The following CPXM2 variants were observed in gnomAD, a reference collection of about 807,000 sequenced individuals.
CPXM2 encodes carboxypeptidase X, M14 family member 2.
A neutral mutation model predicts 86.1 loss-of-function variants in CPXM2; 66 were observed. The ratio of observed to expected loss-of-function variants is 0.77; its 90% CI spans 0.63 to 0.94. The LOEUF (loss-of-function observed/expected upper bound fraction) is 0.94, where lower values mean the gene tolerates loss of function less well. Among genes scored for constraint, CPXM2 ranks in the 40% least tolerant of loss-of-function variants. The pLI, the probability that CPXM2 is intolerant of heterozygous loss-of-function variation, is 0.00. For missense variants in CPXM2, 948 were observed against 1,026.3 expected (o/e 0.92, Z 1.04); for synonymous variants, 388 against 400.2 (o/e 0.97, Z 0.36).
chr10:123,751,702 A>T, intron 13 of CPXM2: 1 of 985,472 alleles, frequency 1.0e-6, no homozygotes, highest in Non-Finnish European at 1.2e-6. Context: ...TGCAAAATCC[A>T]TCCCGAAATA....
intron 4 of CPXM2, among the ~76,000 whole-genome samples, chr10:123,818,296 T>TG (rs1484848988): frequency 6.6e-6 from 1 of 152,146 alleles, no homozygotes; most frequent in African/African-American, 2.4e-5. Context: ...AGGTTACGCA[T>TG]GGGCTCAGCA....
At chr10:123,886,925 G>A (rs1010886216) in intron 1 of CPXM2, 2 of 152,176 alleles carry the variant, frequency 1.3e-5, no homozygotes, top group Admixed American at 1.3e-4. Flanking sequence ...TGGAAAGTAA[G>A]ACACCCCCAA....
At chr10:123,828,806 G>C (rs1848099654) in intron 4 of CPXM2, among the ~76,000 whole-genome samples, 1 of 152,190 alleles carries the variant, frequency 6.6e-6, no homozygotes, top group African/African-American at 2.4e-5. Flanking sequence ...TCTAGGGCTT[G>C]ATAAAAGAAA....
intron 2 of CPXM2, among the ~76,000 whole-genome samples, chr10:123,899,632 C>T (rs372225600): frequency 1.4e-4 from 22 of 152,132 alleles, no homozygotes; most frequent in Admixed American, 5.9e-4. Flanking sequence ...GCCTGGACAA[C>T]GCAGTGAGAC....
chr10:123,795,027 T>G (rs936914463), intron 6 of CPXM2, among the ~76,000 whole-genome samples: 5 of 152,132 alleles, frequency 3.3e-5, no homozygotes, highest in African/African-American at 1.2e-4. Flanking sequence ...GCTTCAGCCT[T>G]GCAAAGTGCT....
Position 123,757,345 on chromosome 10 carries a change from G to A in CPXM2, c.1785C>T (p.Asn595=), listed in dbSNP as rs200604785. The change falls in exon 12 of 14, where the codon AAC becomes AAT. Residue 595 remains asparagine, a synonymous_variant. Coordinates refer to ENST00000241305, the MANE Select transcript of CPXM2 (RefSeq NM_198148.3). ...ASWHTVAGSL[N]DFSYLHTNCF... The stretch of plus-strand genomic sequence containing the variant: ...AGTTTGTATGAAGGTAGCTGAAATC[G>A]TTCAGACCTGCCAAGCCAACCGGAC... 53 of 1,613,112 alleles carry A rather than the reference G, an allele frequency of 3.3e-5. No homozygotes were observed. The South Asian group carries it at 3.3e-4, about 10-fold the overall frequency.
chr10:123,822,786 G>A (rs531674764), intron 4 of CPXM2, among the ~76,000 whole-genome samples: 1 of 151,954 alleles, frequency 6.6e-6, no homozygotes, highest in African/African-American at 2.4e-5. Context: ...TTATCGAGAA[G>A]GAATAACTCA....
intron 6 of CPXM2, among the ~76,000 whole-genome samples, chr10:123,788,958 A>G (rs1847138528): frequency 6.6e-6 from 1 of 151,654 alleles, no homozygotes; most frequent in African/African-American, 2.4e-5. Flanking sequence ...CTTGGTCACA[A>G]GAGATTTTTC....
In CPXM2 at chr10:123,914,764, C is replaced by G. The variant is rs141581263; in HGVS notation, n.174+24713G>C. ...TCCCCAAGATTTCACTGCCCTCATT[C>G]AGGCCAGCACTATCTTCAACACGGA... On this transcript the variant is annotated intron_variant and non_coding_transcript_variant, in intron 2 of 19. Coordinates refer to the CPXM2 transcript ENST00000368854. Among the ~76,000 whole-genome samples, 35 of 152,282 alleles carry G rather than the reference C, an allele frequency of 2.3e-4. No individual in the cohort carries two copies. In the East Asian group the frequency reaches 6.6e-3, roughly 29 times the overall value.
intron 3 of CPXM2, among the ~76,000 whole-genome samples, chr10:123,854,362 AT>A (rs1848663549): frequency 1.8e-5 from 2 of 113,902 alleles, no homozygotes; most frequent in Non-Finnish European, 3.3e-5. Context: ...ATATATAAAA[AT>A]ATATATATAT....
chr10:123,900,385 C>T (rs530444096), intron 2 of CPXM2, among the ~76,000 whole-genome samples: 1 of 152,264 alleles, frequency 6.6e-6, no homozygotes, highest in South Asian at 2.1e-4. Flanking sequence ...AGGGCGGACT[C>T]CTGATAGGAA....
intron 3 of CPXM2, among the ~76,000 whole-genome samples, chr10:123,853,107 A>T (rs537237886): frequency 6.6e-6 from 1 of 151,784 alleles, no homozygotes; most frequent in Non-Finnish European, 1.5e-5. Flanking sequence ...TTCTCATGAG[A>T]TCTAGTTGTT....
rs148801209 is a variant in CPXM2 at position 123,907,991 on chromosome 10, G to T, written n.175-27682C>A. Among the ~76,000 whole-genome samples, 1,517 of 152,260 alleles carry T rather than the reference G, an allele frequency of 1.0e-2. 11 individuals are homozygous for T. Among genetic ancestry groups the T allele is most frequent in the Non-Finnish European group, 0.016 (1,092 of 68,014 alleles). On this transcript the variant is annotated intron_variant and non_coding_transcript_variant, in intron 2 of 19. Coordinates refer to the CPXM2 transcript ENST00000368854. Reference sequence around the variant, plus strand: ...GAAGGAAATGAAAGAAGTGAGAAAGGAAGGGAGGAAGCAAGGACTCAATAG... The same window carrying T: ...GAAGGAAATGAAAGAAGTGAGAAAGTAAGGGAGGAAGCAAGGACTCAATAG...
intron 4 of CPXM2, among the ~76,000 whole-genome samples, chr10:123,813,213 C>T (rs1320880274): frequency 6.6e-6 from 1 of 152,210 alleles, no homozygotes; most frequent in Non-Finnish European, 1.5e-5. Flanking sequence ...GAAAGAGCAA[C>T]TGTATTAACA....
intron 4 of CPXM2, among the ~76,000 whole-genome samples, chr10:123,799,968 T>C (rs1273929966): frequency 6.6e-6 from 1 of 151,808 alleles, no homozygotes; most frequent in African/African-American, 2.4e-5. Context: ...TCTTCCTGAG[T>C]ACACCCCCTC....
intron 13 of CPXM2, chr10:123,750,910 C>G: frequency 1.1e-5 from 11 of 985,426 alleles, no homozygotes; most frequent in Non-Finnish European, 1.3e-5. Context: ...CTGCTTCTGT[C>G]TCTAACCACT....
intron 2 of CPXM2, among the ~76,000 whole-genome samples, chr10:123,919,287 G>T (rs1945562128): frequency 6.6e-6 from 1 of 152,178 alleles, no homozygotes; most frequent in Non-Finnish European, 1.5e-5. Context: ...TAACCAGCTT[G>T]ATTACCTGCT....
Position 123,891,327 on chromosome 10 carries a change from C to G in CPXM2, c.304+29G>C. ...AGGCGCGCAACCACCGGCGCCCCCT[C>G]GGGCTGCCCAGCGCAGAAAGTTCCT... On this transcript the variant is annotated intron_variant, in intron 1 of 13. Transcript: ENST00000241305. This position sits in a 1 kb window ranked among gnomAD's most constrained non-coding sequence, Gnocchi z 5.6. 6.8e-7 allele frequency: 1 copy of G among 1,465,624 alleles called. No individual in the cohort carries two copies. The highest frequency in any genetic ancestry group is 9.0e-7 in the Non-Finnish European group (1 of 1,107,516). 90.8% of individuals were successfully genotyped at this position (1,465,624 alleles called of 1,614,324 possible). A position where few individuals can be genotyped will look rare whatever the true frequency, so the allele number is the denominator to read the frequency against.
At chr10:123,910,372 C>T (rs1047466123) in intron 2 of CPXM2, among the ~76,000 whole-genome samples, 2 of 152,096 alleles carry the variant, frequency 1.3e-5, no homozygotes, top group Non-Finnish European at 2.9e-5. Flanking sequence ...TGACCTCCAC[C>T]CGGACAGAAC....
Sources: allele counts gnomAD v4.1 joint callset (sites outside exome capture counted in the v4.1 genomes callset), GRCh38; gene constraint gnomAD v4.1.1; non-coding constraint Gnocchi (gnomAD v3.1); transcripts MANE v1.5; gene names NCBI Gene and HGNC (gene_info 2026-07-23, HGNC 2026-07-21).